ST6GALNAC5: variants seen among roughly 807,000 people sequenced by gnomAD.
ST6GALNAC5 encodes ST6 N-acetylgalactosaminide alpha-2,6-sialyltransferase 5, also known as alpha-N-acetylgalactosaminide alpha-2,6-sialyltransferase 5.
A neutral mutation model predicts 33.6 loss-of-function variants in ST6GALNAC5; 27 were observed. That is an observed-to-expected ratio of 0.80 (90% CI 0.59 to 1.11). The LOEUF is 1.11. ST6GALNAC5 is among the 50% of genes least tolerant of loss of function. The pLI is 0.00. For missense variants in ST6GALNAC5, 428 were observed against 454.0 expected (o/e 0.94, Z 0.52); for synonymous variants, 194 against 171.2 (o/e 1.13, Z -1.04).
intron 2 of ST6GALNAC5, among the ~76,000 whole-genome samples, chr1:76,893,894 C>T (rs368402720): frequency 9.2e-5 from 14 of 152,196 alleles, no homozygotes; most frequent in African/African-American, 3.1e-4. Context: ...CTCCTGACCT[C>T]GTGATCCACC....
At chr1:76,946,846 A>C (rs1647535235) in intron 2 of ST6GALNAC5, among the ~76,000 whole-genome samples, 1 of 152,130 alleles carries the variant, frequency 6.6e-6, no homozygotes, top group Admixed American at 6.6e-5. Flanking sequence ...AGGTGTGCCT[A>C]TTCCTGAATA....
chr1:77,060,586 G>A (rs994632899), intron 4 of ST6GALNAC5, among the ~76,000 whole-genome samples: 2 of 152,040 alleles, frequency 1.3e-5, no homozygotes, highest in African/African-American at 4.8e-5. Context: ...TTTAACATGT[G>A]GAAACAACTC....
intron 2 of ST6GALNAC5, among the ~76,000 whole-genome samples, chr1:77,012,732 A>T (rs777877173): frequency 5.3e-5 from 8 of 152,138 alleles, no homozygotes; most frequent in Non-Finnish European, 1.0e-4. Context: ...TTATAATAGA[A>T]CTTTGGATTA....
At chr1:77,020,911 T>G (rs1278611190) in intron 2 of ST6GALNAC5, among the ~76,000 whole-genome samples, 1 of 152,174 alleles carries the variant, frequency 6.6e-6, no homozygotes, top group Non-Finnish European at 1.5e-5. Flanking sequence ...CCTACAGATG[T>G]CCTCTTGTTG....
rs1017140172 is a variant in ST6GALNAC5 at position 76,899,515 on chromosome 1, G to A, written c.261+30773G>A. On this transcript the variant is annotated intron_variant, in intron 2 of 4. Transcript: ENST00000477717. Reference sequence around the variant, plus strand: ...GTTCCTGCCCCTCCCCCAGAAAAGCGGGACTTGCCGCTAAGGGTGAAGGAC... The same window carrying A: ...GTTCCTGCCCCTCCCCCAGAAAAGCAGGACTTGCCGCTAAGGGTGAAGGAC... Among the ~76,000 whole-genome samples the A allele has an allele frequency of 1.2e-4, 19 of 152,252 alleles. No individual in the cohort carries two copies. The East Asian group carries it at 1.9e-3, about 16-fold the overall frequency.
chr1:76,948,333 G>C (rs1317852682), intron 2 of ST6GALNAC5, among the ~76,000 whole-genome samples: 1 of 152,142 alleles, frequency 6.6e-6, no homozygotes, highest in Non-Finnish European at 1.5e-5. Flanking sequence ...AGACCTTCTA[G>C]CTCCCTTAAG....
At chr1:77,059,741 G>A (rs533065971) in intron 4 of ST6GALNAC5, among the ~76,000 whole-genome samples, 11 of 152,114 alleles carry the variant, frequency 7.2e-5, no homozygotes, top group East Asian at 5.8e-4. Context: ...TCTTGCCTGC[G>A]ACAATTACTG....
chr1:76,988,916 A>G (rs576270238), intron 2 of ST6GALNAC5, among the ~76,000 whole-genome samples: 3 of 152,276 alleles, frequency 2.0e-5, no homozygotes, highest in African/African-American at 7.2e-5. Flanking sequence ...TATTAAAACT[A>G]TTGTTTGTAG....
In ST6GALNAC5 at chr1:77,044,535, G is replaced by A. The variant is rs368875829; in HGVS notation, c.593G>A (p.Arg198Gln). 1.8e-4 allele frequency: 294 copies of A among 1,608,380 alleles called. No homozygotes were observed. Among genetic ancestry groups the A allele is most frequent in the Middle Eastern group, 3.3e-4 (2 of 6,030 alleles). Residue 198 changes from arginine (R) to glutamine (Q), a missense_variant, in exon 3 of 5, where the codon CGG (arginine) becomes CAG (glutamine). Arg to Gln is a conservative substitution (Grantham distance 43). Transcript: ENST00000477717. ...NLHLLSQVLP[R>Q]LKAFMITRHK... ...CATCTCCTGAGCCAGGTGCTGCCCC[G>A]GCTGAAGGCCTTCATGATTACTCGC...
At chr1:76,968,437 A>T (rs1178770527) in intron 2 of ST6GALNAC5, among the ~76,000 whole-genome samples, 2 of 152,056 alleles carry the variant, frequency 1.3e-5, no homozygotes, top group African/African-American at 4.8e-5. Context: ...TGCTTGGTAG[A>T]TCTTCCTCCA....
chr1:76,970,633 T>G (rs553934954), intron 2 of ST6GALNAC5, among the ~76,000 whole-genome samples: 1 of 152,248 alleles, frequency 6.6e-6, no homozygotes, highest in South Asian at 2.1e-4. Flanking sequence ...AAAACACTCT[T>G]CAGGATATTA....
At chr1:77,019,181 A>C (rs961574631) in intron 2 of ST6GALNAC5, among the ~76,000 whole-genome samples, 1 of 152,214 alleles carries the variant, frequency 6.6e-6, no homozygotes, top group African/African-American at 2.4e-5. Flanking sequence ...TGTTGCAGGC[A>C]GAGGGATTAA....
intron 2 of ST6GALNAC5, among the ~76,000 whole-genome samples, chr1:76,920,078 T>C (rs1647015444): frequency 6.6e-6 from 1 of 152,224 alleles, no homozygotes; most frequent in South Asian, 2.1e-4. Flanking sequence ...TATATTCATC[T>C]TTCTGGTGAT....
At chr1:77,015,605 C>CA (rs1258272054) in intron 2 of ST6GALNAC5, among the ~76,000 whole-genome samples, 1 of 152,006 alleles carries the variant, frequency 6.6e-6, no homozygotes, top group East Asian at 1.9e-4. Flanking sequence ...TGAATGCAGG[C>CA]AAAAATGATA....
rs919768985 is a variant in ST6GALNAC5, at chr1:76,933,540, C to T, written c.261+64798C>T. Reference sequence around the variant, plus strand: ...AGGAAAAAGAGGCTGGCTTTAGACACCTAAAATCTACAGATTTCAGAAGAT... The same window carrying T: ...AGGAAAAAGAGGCTGGCTTTAGACATCTAAAATCTACAGATTTCAGAAGAT... On this transcript the variant is annotated intron_variant, in intron 2 of 4. Coordinates refer to ENST00000477717, the MANE Select transcript of ST6GALNAC5 (RefSeq NM_030965.3). Among the ~76,000 whole-genome samples the T allele has an allele frequency of 6.6e-5, 10 of 151,998 alleles. No homozygotes were observed. In the East Asian group the frequency reaches 1.7e-3, roughly 27 times the overall value.
chr1:76,867,624 A>C lies in ST6GALNAC5; in HGVS notation c.-52A>C, dbSNP rs1653369727. The C allele has an allele frequency of 1.2e-6, 2 of 1,613,904 alleles. No homozygotes were observed. The highest frequency in any genetic ancestry group is 1.7e-6 in the Non-Finnish European group (2 of 1,179,962). On this transcript the variant is annotated 5_prime_UTR_variant, in exon 1 of 5. Coordinates refer to ENST00000477717, the MANE Select transcript of ST6GALNAC5 (RefSeq NM_030965.3). ...CCATCATGGAAACCCTCCAGGAAAA[A>C]GTGGCCCCGGACGCGCGAGCCTGAG...
At chr1:76,976,338 T>C (rs1396019024) in intron 2 of ST6GALNAC5, among the ~76,000 whole-genome samples, 2 of 152,188 alleles carry the variant, frequency 1.3e-5, no homozygotes, top group Non-Finnish European at 2.9e-5. Context: ...TTATAATTTA[T>C]TTAAAATTTT....
chr1:76,918,966 A>C (rs1570672372), intron 2 of ST6GALNAC5, among the ~76,000 whole-genome samples: 1 of 152,218 alleles, frequency 6.6e-6, no homozygotes, highest in East Asian at 1.9e-4. Flanking sequence ...AACAGCATTA[A>C]AATCCTACCT....
intron 2 of ST6GALNAC5, among the ~76,000 whole-genome samples, chr1:76,972,144 C>G (rs1228341437): frequency 6.6e-6 from 1 of 152,158 alleles, no homozygotes; most frequent in Non-Finnish European, 1.5e-5. Context: ...GGGGAGGCCT[C>G]ACAATCATGG....
Sources: gnomAD v4.1 joint callset for allele counts (sites outside exome capture counted in the v4.1 genomes callset) on GRCh38, gnomAD v4.1.1 for gene constraint, MANE v1.5 for transcripts, NCBI Gene and HGNC (gene_info 2026-07-23, HGNC 2026-07-21) for gene names.